The following RFTN1 variants were observed in gnomAD, a reference collection of about 807,000 sequenced individuals.
The protein encoded by RFTN1 is raftlin, lipid raft linker 1.
A neutral mutation model predicts 46.5 loss-of-function variants in RFTN1; 26 were observed. That is an observed-to-expected ratio of 0.56 (90% CI 0.41 to 0.78). RFTN1 has a LOEUF of 0.78. Among genes scored for constraint, RFTN1 ranks in the 30% least tolerant of loss-of-function variants. RFTN1 has a pLI of 0.00. For missense variants in RFTN1, 693 were observed against 718.7 expected (o/e 0.96, Z 0.41); for synonymous variants, 261 against 284.2 (o/e 0.92, Z 0.82).
In RFTN1 at chr3:16,381,598, C is replaced by A. The variant is rs2073995737; in HGVS notation, c.442-3496G>T. ...CATGCTAGACAAAACCTATTTGGGA[C>A]CTACTCTGCAGAAGGCTTTGAAGGA... On this transcript the variant is annotated intron_variant, in intron 4 of 9. Transcript: ENST00000334133. The surrounding 1 kb of genome is among the most constrained non-coding windows in gnomAD (Gnocchi z 4.2). 6.6e-6 allele frequency among the ~76,000 whole-genome samples: 1 copy of A among 151,900 alleles called. No homozygotes were observed. Among genetic ancestry groups the A allele is most frequent in the Non-Finnish European group, 1.5e-5 (1 of 68,010 alleles).
At chr3:16,324,578 G>A (rs1342240922) in intron 8 of RFTN1, among the ~76,000 whole-genome samples, 1 of 147,120 alleles carries the variant, frequency 6.8e-6, no homozygotes, top group Non-Finnish European at 1.5e-5. Flanking sequence ...GTGTCTTCCA[G>A]GCTCATCCTT....
intron 3 of RFTN1, among the ~76,000 whole-genome samples, chr3:16,423,724 A>G (rs1389616364): frequency 1.3e-5 from 2 of 152,212 alleles, no homozygotes; most frequent in African/African-American, 2.4e-5. Flanking sequence ...GTTCTTTACA[A>G]GAAAAGGGGG....
At chr3:16,393,559 C>T (rs1464497278) in intron 4 of RFTN1, among the ~76,000 whole-genome samples, 2 of 152,148 alleles carry the variant, frequency 1.3e-5, no homozygotes, top group African/African-American at 4.8e-5. Flanking sequence ...TATAAGGACT[C>T]TCTCAGTTAC....
Position 16,384,027 on chromosome 3 carries a change from C to G in RFTN1, c.442-5925G>C, listed in dbSNP as rs74417357. Among the ~76,000 whole-genome samples the G allele has an allele frequency of 6.6e-6, 1 of 152,172 alleles. No homozygotes were observed. The highest frequency in any genetic ancestry group is 1.5e-5 in the Non-Finnish European group (1 of 68,038). ...TTAACATTTACTATCAGTTGACTTT[C>G]GGTAAAGTGGATTCCTCCATTATTA... On this transcript the variant is annotated intron_variant, in intron 4 of 9. Transcript: ENST00000334133. The surrounding 1 kb of genome is among the most constrained non-coding windows in gnomAD (Gnocchi z 4.7).
chr3:16,420,551 A>G (rs2075164830), intron 3 of RFTN1, among the ~76,000 whole-genome samples: 1 of 152,200 alleles, frequency 6.6e-6, no homozygotes, highest in South Asian at 2.1e-4. Context: ...CATGTTCCAC[A>G]TTAAACTTTG....
At chr3:16,366,742 T>C (rs1174199592) in intron 6 of RFTN1, among the ~76,000 whole-genome samples, 2 of 152,218 alleles carry the variant, frequency 1.3e-5, no homozygotes, top group African/African-American at 2.4e-5. Context: ...CACTGAGGTA[T>C]TGTGAGGATG....
intron 4 of RFTN1, among the ~76,000 whole-genome samples, chr3:16,396,285 G>A (rs1233811708): frequency 2.6e-5 from 4 of 152,016 alleles, no homozygotes; most frequent in African/African-American, 4.8e-5. Flanking sequence ...TAAATTTTTA[G>A]AATTAAAAAA....
In RFTN1 at chr3:16,387,573, TC is replaced by T. The variant is rs1559314890; in HGVS notation, c.442-9472del. ...TTCTCTCTTCTATATCCTCAATTTC[TC>T]TCTCTCTCTCTCTCTCTCTCTCTCT... On this transcript the variant is annotated intron_variant, in intron 4 of 9. Coordinates refer to ENST00000334133, the MANE Select transcript of RFTN1 (RefSeq NM_015150.2). The surrounding 1 kb of genome is among the most constrained non-coding windows in gnomAD (Gnocchi z 5.2). Among the ~76,000 whole-genome samples the T allele has an allele frequency of 1.8e-4, 7 of 38,980 alleles. No individual in the cohort carries two copies. Among genetic ancestry groups the T allele is most frequent in the African/African-American group, 2.2e-4 (4 of 17,852 alleles). 25.6% of individuals were successfully genotyped at this position (38,980 alleles called of 152,430 possible). A position where few individuals can be genotyped will look rare whatever the true frequency, so the allele number is the denominator to read the frequency against.
chr3:16,334,006 A>AT lies in RFTN1; in HGVS notation c.1147-7131dup, dbSNP rs576446475. Among the ~76,000 whole-genome samples, 38 of 152,162 alleles carry AT rather than the reference A, an allele frequency of 2.5e-4. No homozygotes were observed. Among genetic ancestry groups the AT allele is most frequent in the Non-Finnish European group, 4.3e-4 (29 of 68,036 alleles). ...CGGTGAAACCCCGTCTCTACTAAAAATTTAAAAAATTAGCCGGGCATGGTG... is the reference window on the plus strand; with the variant it reads ...CGGTGAAACCCCGTCTCTACTAAAAATTTTAAAAAATTAGCCGGGCATGGTG... On this transcript the variant is annotated intron_variant, in intron 7 of 9. Transcript: ENST00000334133. The surrounding 1 kb of genome is among the most constrained non-coding windows in gnomAD (Gnocchi z 4.3).
In RFTN1 at chr3:16,345,829, T is replaced by TGTGC. The variant is rs758493435; in HGVS notation, c.1146+12102_1146+12103insGCAC. On this transcript the variant is annotated intron_variant, in intron 7 of 9. Transcript: ENST00000334133. The surrounding 1 kb of genome is among the most constrained non-coding windows in gnomAD (Gnocchi z 5.2). ...GTGTGTGTGTGTGTGCGCGCGCGCG[T>TGTGC]GCGCGCACGCGCACATGTGCATGTG... 2.8e-3 allele frequency among the ~76,000 whole-genome samples: 195 copies of TGTGC among 69,862 alleles called. No individual in the cohort carries two copies. The highest frequency in any genetic ancestry group is 0.024 in the Middle Eastern group (3 of 124). 45.8% of individuals were successfully genotyped at this position (69,862 alleles called of 152,430 possible). A position where few individuals can be genotyped will look rare whatever the true frequency, so the allele number is the denominator to read the frequency against.
rs1036904118 is a variant in RFTN1 at position 16,474,938 on chromosome 3, C to G, written c.145+18787G>C. Among the ~76,000 whole-genome samples, 1 of 152,186 alleles carries G rather than the reference C, an allele frequency of 6.6e-6. No individual in the cohort carries two copies. Among genetic ancestry groups the G allele is most frequent in the Admixed American group, 6.5e-5 (1 of 15,286 alleles). On this transcript the variant is annotated intron_variant, in intron 2 of 9. Transcript: ENST00000334133. This position sits in a 1 kb window ranked among gnomAD's most constrained non-coding sequence, Gnocchi z 5.5. ...AGTGATATGGTTTGGATATTTGTCCCCTCCAAATCTCATATTGATATTTGA... is the reference window on the plus strand; with the variant it reads ...AGTGATATGGTTTGGATATTTGTCCGCTCCAAATCTCATATTGATATTTGA...
intron 2 of RFTN1, among the ~76,000 whole-genome samples, chr3:16,463,651 TA>T (rs2076042607): frequency 6.6e-6 from 1 of 152,268 alleles, no homozygotes; most frequent in Non-Finnish European, 1.5e-5. Flanking sequence ...AATATAATTC[TA>T]TTCACTCTGG....
Position 16,356,109 on chromosome 3 carries a change from T to A in RFTN1, c.1146+1823A>T, listed in dbSNP as rs2072418392. Among the ~76,000 whole-genome samples, 1 of 152,144 alleles carries A rather than the reference T, an allele frequency of 6.6e-6. No homozygotes were observed. The highest frequency in any genetic ancestry group is 1.5e-5 in the Non-Finnish European group (1 of 68,028). On this transcript the variant is annotated intron_variant, in intron 7 of 9. Transcript: ENST00000334133. This position sits in a 1 kb window ranked among gnomAD's most constrained non-coding sequence, Gnocchi z 4.9. Reference sequence around the variant, plus strand: ...TTTCACCACCACCTGGAGCCTTCACTCCACCACACGTGATGGGCCATGTGA... The same window carrying A: ...TTTCACCACCACCTGGAGCCTTCACACCACCACACGTGATGGGCCATGTGA...
chr3:16,369,590 G>C (rs1429846110), intron 6 of RFTN1, among the ~76,000 whole-genome samples: 2 of 152,220 alleles, frequency 1.3e-5, no homozygotes, highest in African/African-American at 4.8e-5. Flanking sequence ...GGGGGTACTG[G>C]GTGCTGGGAG....
In RFTN1 at chr3:16,411,939, G is replaced by A. The variant is rs573349031; in HGVS notation, c.333-2456C>T. On this transcript the variant is annotated intron_variant, in intron 3 of 9. Coordinates refer to ENST00000334133, the MANE Select transcript of RFTN1 (RefSeq NM_015150.2). Reference sequence around the variant, plus strand: ...AAAAGGAAGACAAGTTGGTCTGTAAGCAACTCACAGCCCAGATCGATTCTA... The same window carrying A: ...AAAAGGAAGACAAGTTGGTCTGTAAACAACTCACAGCCCAGATCGATTCTA... Among the ~76,000 whole-genome samples, 14 of 152,284 alleles carry A rather than the reference G, an allele frequency of 9.2e-5. No individual in the cohort carries two copies. In the South Asian group the frequency reaches 2.3e-3, roughly 25 times the overall value.
rs973431930 is a variant in RFTN1, at chr3:16,346,207, G to A, written c.1146+11725C>T. On this transcript the variant is annotated intron_variant, in intron 7 of 9. Transcript: ENST00000334133. This position sits in a 1 kb window ranked among gnomAD's most constrained non-coding sequence, Gnocchi z 4.4. ...TTTTAATGACTACACACCTTCCCTT[G>A]ACTAAATGGAATCAATCCTTCCTGC... 6.6e-6 allele frequency: 1 copy of A among 152,118 alleles called. No homozygotes were observed. Among genetic ancestry groups the A allele is most frequent in the African/African-American group, 2.4e-5 (1 of 41,418 alleles). 9.4% of individuals were successfully genotyped at this position (152,118 alleles called of 1,614,324 possible).
At chr3:16,406,973 C>A (rs1281985290) in intron 4 of RFTN1, among the ~76,000 whole-genome samples, 2 of 152,184 alleles carry the variant, frequency 1.3e-5, no homozygotes, top group African/African-American at 4.8e-5. Context: ...TAAAAACTGG[C>A]TAATGTCCTT....
chr3:16,429,981 T>C lies in RFTN1; in HGVS notation c.332+3870A>G, dbSNP rs928981723. 6.6e-6 allele frequency among the ~76,000 whole-genome samples: 1 copy of C among 152,256 alleles called. No individual in the cohort carries two copies. The highest frequency in any genetic ancestry group is 1.5e-5 in the Non-Finnish European group (1 of 68,050). ...TTTCATTTAACAGCATCTATAACTG[T>C]CAGAACTTTGGCAGACTTTGTGAAA... On this transcript the variant is annotated intron_variant, in intron 3 of 9. Coordinates refer to ENST00000334133, the MANE Select transcript of RFTN1 (RefSeq NM_015150.2). The surrounding 1 kb of genome is among the most constrained non-coding windows in gnomAD (Gnocchi z 6.4).
intron 2 of RFTN1, among the ~76,000 whole-genome samples, chr3:16,478,895 C>A (rs932737801): frequency 6.6e-6 from 1 of 152,094 alleles, no homozygotes; most frequent in African/African-American, 2.4e-5. Flanking sequence ...CAAGAGAGAG[C>A]GGGAGAGTGC....
Sources: gnomAD v4.1 joint callset for allele counts (sites outside exome capture counted in the v4.1 genomes callset) on GRCh38, gnomAD v4.1.1 for gene constraint, Gnocchi (gnomAD v3.1) non-coding constraint, MANE v1.5 for transcripts, NCBI Gene and HGNC (gene_info 2026-07-23, HGNC 2026-07-21) for gene names.